The following ZNF221 variants were observed in gnomAD, a reference collection of about 807,000 sequenced individuals.
ZNF221 encodes zinc finger protein 221.
ZNF221 carries 10 observed loss-of-function variants against 12.6 expected under a neutral mutation model. The ratio of observed to expected loss-of-function variants is 0.79; its 90% CI spans 0.49 to 1.34. The LOEUF is 1.34. Ranked by LOEUF, ZNF221 falls within the 40% of genes most tolerant of loss-of-function variation. The pLI is 0.00. For synonymous variants in ZNF221, 232 were observed against 244.0 expected (o/e 0.95, Z 0.46); for missense variants, 661 against 721.4 (o/e 0.92, Z 0.96).
At chr19:43,972,584 C>A (rs761682951), downstream of ZNF221, among the ~76,000 whole-genome samples, 2 of 151,934 alleles carry the variant, frequency 1.3e-5, no homozygotes, top group Non-Finnish European at 2.9e-5. Context: ...ACTGACCCCA[C>A]AGAAATACAA....
chr19:43,953,464 T>G (rs961526662), intron 1 of ZNF221, among the ~76,000 whole-genome samples: 2 of 152,096 alleles, frequency 1.3e-5, no homozygotes, highest in African/African-American at 2.4e-5. Flanking sequence ...GAAACTTCAT[T>G]GCATAGACAC....
chr19:43,954,752 T>G (rs985728966), intron 1 of ZNF221, among the ~76,000 whole-genome samples: 1 of 151,602 alleles, frequency 6.6e-6, no homozygotes, highest in Non-Finnish European at 1.5e-5. Context: ...CTACATCAGG[T>G]ATGGGGAAAA....
At chr19:43,962,198 T>G (rs1473485972) in intron 1 of ZNF221, among the ~76,000 whole-genome samples, 1 of 152,168 alleles carries the variant, frequency 6.6e-6, no homozygotes, top group Admixed American at 6.5e-5. Context: ...GTCATAGAAT[T>G]TACCCATTTC....
chr19:43,979,264 T>C, the ZNF221 span, among the ~76,000 whole-genome samples: 18 of 152,082 alleles, frequency 1.2e-4, no homozygotes, highest in East Asian at 3.5e-3. Context: ...TATAAATAAG[T>C]TGACCTCCAA....
At chr19:43,962,481 G>A (rs549099893) in intron 1 of ZNF221, among the ~76,000 whole-genome samples, 1 of 152,236 alleles carries the variant, frequency 6.6e-6, no homozygotes, top group Non-Finnish European at 1.5e-5. Flanking sequence ...GTTCATACAT[G>A]TTGTAGCATG....
Position 43,967,397 on chromosome 19 carries a change from C to A in ZNF221, c.*41C>A. The A allele has an allele frequency of 7.0e-7, 1 of 1,437,656 alleles. No homozygotes were observed. The highest frequency in any genetic ancestry group is 9.6e-7 in the Non-Finnish European group (1 of 1,043,538). The allele number at this position is 1,437,656 out of a possible 1,614,324, so 89.1% of individuals were successfully genotyped here. Reference sequence around the variant, plus strand: ...GAAGGGCTTTGGCTGGGCCTCAACTCATCTGACCCATCAATTCTCCACAGC... The same window carrying A: ...GAAGGGCTTTGGCTGGGCCTCAACTAATCTGACCCATCAATTCTCCACAGC... On this transcript the variant is annotated 3_prime_UTR_variant, in exon 5 of 5. Coordinates refer to ENST00000587682, the MANE Select transcript of ZNF221 (RefSeq NM_001297588.2).
chr19:43,966,967 T>C lies in ZNF221; in HGVS notation c.1465T>C (p.Trp489Arg). ...TAAGGAATGTGGCAAGAGCTTTGGC[T>C]GGGCCTCCTGTCTTTTGAAACATCA... Reference protein sequence around the residue: ...NCKECGKSFGWASCLLKHQRL... With the variant: ...NCKECGKSFGRASCLLKHQRL... The change falls in exon 5 of 5, where the codon TGG becomes CGG. Residue 489 changes from tryptophan to arginine, a missense_variant. Trp to Arg is a moderately radical substitution (Grantham distance 101). Transcript: ENST00000587682. The C allele has an allele frequency of 6.2e-7, 1 of 1,614,140 alleles. No individual in the cohort carries two copies. Among genetic ancestry groups the C allele is most frequent in the Non-Finnish European group, 8.5e-7 (1 of 1,180,016 alleles).
At chr19:43,951,573 T>A (rs191433948) in intron 1 of ZNF221, among the ~76,000 whole-genome samples, 173 bp downstream of exon 1, 1 of 152,186 alleles carries the variant, frequency 6.6e-6, no homozygotes, top group African/African-American at 2.4e-5. Context: ...GCGGGGCCGA[T>A]TCCCCCGGTA....
the ZNF221 span, among the ~76,000 whole-genome samples, chr19:43,980,764 C>T: frequency 6.6e-6 from 1 of 152,158 alleles, no homozygotes; most frequent in Admixed American, 6.5e-5. Flanking sequence ...TAGTGGACCA[C>T]TGGGGCTATT....
At chr19:43,978,292 C>A in the ZNF221 span, 1 of 152,128 alleles carries the variant, frequency 6.6e-6, no homozygotes, top group Non-Finnish European at 1.5e-5. Context: ...TGACTCCAGC[C>A]AAAGGCCAGT....
chr19:43,969,136 C>G (rs942912000), downstream of ZNF221, among the ~76,000 whole-genome samples: 1 of 152,172 alleles, frequency 6.6e-6, no homozygotes, highest in African/African-American at 2.4e-5. Flanking sequence ...CTTGGAATTT[C>G]AACCAACCAA....
At chr19:43,978,956 TTG>T in the ZNF221 span, among the ~76,000 whole-genome samples, 271 of 143,534 alleles carry the variant, frequency 1.9e-3, no homozygotes, top group African/African-American at 6.3e-3. Context: ...TTTTTTTTTT[TTG>T]ATACACTATG....
At chr19:43,971,002 C>A (rs1028862088), downstream of ZNF221, among the ~76,000 whole-genome samples, 1 of 152,068 alleles carries the variant, frequency 6.6e-6, no homozygotes, top group Non-Finnish European at 1.5e-5. Flanking sequence ...ATGTAAAGGG[C>A]AGTCAGAGAG....
chr19:43,965,960 C>T lies in ZNF221; in HGVS notation c.458C>T (p.Pro153Leu). 1 of 1,614,200 alleles carries T rather than the reference C, an allele frequency of 6.2e-7. No homozygotes were observed. Among genetic ancestry groups the T allele is most frequent in the Non-Finnish European group, 8.5e-7 (1 of 1,180,026 alleles). ...CAGTTCTTCAAAGAAGGTGATGTCC[C>T]CTGCCAGATTGAGGCAAGACTATCT... ...SSQFFKEGDV[P>L]CQIEARLSIS... Residue 153 changes from proline (P) to leucine (L), a missense_variant, in exon 5 of 5, where the codon CCC becomes CTC. Physicochemically the swap from Pro to Leu is moderately conservative, Grantham distance 98 (BLOSUM62 -3). Transcript: ENST00000587682.
chr19:43,977,607 G>A, the ZNF221 span, among the ~76,000 whole-genome samples: 6 of 152,140 alleles, frequency 3.9e-5, no homozygotes, highest in Non-Finnish European at 7.4e-5. Context: ...GAACAAATGC[G>A]CATGATCAGG....
intron 1 of ZNF221, among the ~76,000 whole-genome samples, chr19:43,956,105 T>A (rs1310177051): frequency 6.6e-6 from 1 of 152,148 alleles, no homozygotes; most frequent in Non-Finnish European, 1.5e-5. Flanking sequence ...GTCTCAGTAA[T>A]TGTCACTAGA....
chr19:43,978,852 C>T, the ZNF221 span, among the ~76,000 whole-genome samples: 5 of 151,500 alleles, frequency 3.3e-5, no homozygotes, highest in East Asian at 9.7e-4. Flanking sequence ...GGGAAGCTTC[C>T]CAAGTTATTA....
the ZNF221 span, among the ~76,000 whole-genome samples, chr19:43,974,711 G>A: frequency 1.7e-3 from 172 of 101,178 alleles, 4 homozygotes; most frequent in East Asian, 0.031. Context: ...AGTCACAATG[G>A]CAATTATAAA....
chr19:43,962,256 C>T (rs547236614), intron 1 of ZNF221, among the ~76,000 whole-genome samples: 30 of 152,158 alleles, frequency 2.0e-4, no homozygotes, highest in Non-Finnish European at 3.2e-4. Context: ...GTGGTGTGAC[C>T]GTCATCATAA....
Sources: allele counts gnomAD v4.1 joint callset (sites outside exome capture counted in the v4.1 genomes callset), GRCh38; gene constraint gnomAD v4.1.1; transcripts MANE v1.5; gene names NCBI Gene and HGNC (gene_info 2026-07-23, HGNC 2026-07-21).